The following SLIT2 variants were observed in gnomAD, a reference collection of about 807,000 sequenced individuals.
SLIT2 encodes the protein slit homolog 2 protein.
A neutral mutation model predicts 185.7 loss-of-function variants in SLIT2; 41 were observed. The ratio of observed to expected loss-of-function variants is 0.22; its 90% CI spans 0.17 to 0.29. SLIT2 has a LOEUF of 0.29. SLIT2 is among the 10% of genes least tolerant of loss of function. SLIT2 has a pLI of 1.00. For missense variants in SLIT2, 1,571 were observed against 1,909.0 expected, an observed-to-expected ratio of 0.82 and a Z score of 3.30; for synonymous variants, 693 against 680.2, an observed-to-expected ratio of 1.02 and a Z score of -0.29.
In SLIT2 at chr4:20,472,254, A is replaced by C. The variant is rs1715154984; in HGVS notation, c.467+4431A>C. 5.7e-4 allele frequency among the ~76,000 whole-genome samples: 10 copies of C among 17,448 alleles called. 2 individuals are homozygous for C. Among genetic ancestry groups the C allele is most frequent in the East Asian group, 5.7e-3 (2 of 352 alleles). 11.4% of individuals were successfully genotyped at this position (17,448 alleles called of 152,430 possible). On this transcript the variant is annotated intron_variant, in intron 5 of 36. Coordinates refer to ENST00000504154, the MANE Select transcript of SLIT2 (RefSeq NM_004787.4). The stretch of plus-strand genomic sequence containing the variant: ...TATATAGATCTATATATCTATATAT[A>C]GATCTATATATAGATATATATCTAT...
chr4:20,484,852 CTA>C lies in SLIT2; in HGVS notation c.540-1346_540-1345del, dbSNP rs1717054463. On this transcript the variant is annotated intron_variant, in intron 6 of 36. Coordinates refer to ENST00000504154, the MANE Select transcript of SLIT2 (RefSeq NM_004787.4). The surrounding 1 kb of genome is among the most constrained non-coding windows in gnomAD (Gnocchi z 4.3). ...TGGAGATTATCTGCCACAAGAGAGA[CTA>C]TCATTGCTAGCTTACCATATTCTTC... is the stretch of plus-strand genomic sequence containing the variant. 6.6e-6 allele frequency among the ~76,000 whole-genome samples: 1 copy of C among 152,158 alleles called. No homozygotes were observed. The highest frequency in any genetic ancestry group is 2.4e-5 in the African/African-American group (1 of 41,460).
At chr4:20,477,043 T>C (rs552604608) in intron 5 of SLIT2, among the ~76,000 whole-genome samples, 78 of 152,064 alleles carry the variant, frequency 5.1e-4, no homozygotes, top group African/African-American at 1.8e-3. Flanking sequence ...TCTTAATATA[T>C]GGAGCCCATC....
In SLIT2 at chr4:20,252,411, AAGG is replaced by A. The variant is rs1005578488; in HGVS notation, c.-1402_-1400del. Among the ~76,000 whole-genome samples, 2 of 152,110 alleles carry A rather than the reference AAGG, an allele frequency of 1.3e-5. No individual in the cohort carries two copies. Among genetic ancestry groups the A allele is most frequent in the Admixed American group, 6.5e-5 (1 of 15,286 alleles). On this transcript the variant is annotated 5_prime_UTR_variant, in exon 1 of 37. Coordinates refer to ENST00000504154, the MANE Select transcript of SLIT2 (RefSeq NM_004787.4). Reference sequence around the variant, plus strand: ...GCAGCGGGAGAGGGGAAGGGGCTAGAAGGAGAAGGACTACCCGGGACTGCGGCC... The same window carrying A: ...GCAGCGGGAGAGGGGAAGGGGCTAGAAGAAGGACTACCCGGGACTGCGGCC...
chr4:20,362,477 G>C (rs1358002648), intron 4 of SLIT2, among the ~76,000 whole-genome samples: 1 of 151,974 alleles, frequency 6.6e-6, no homozygotes, highest in Non-Finnish European at 1.5e-5. Flanking sequence ...GCAGCTTTAT[G>C]AATTGTTACA....
chr4:20,533,094 A>T (rs762856120), intron 17 of SLIT2, among the ~76,000 whole-genome samples: 1 of 152,218 alleles, frequency 6.6e-6, no homozygotes, highest in African/African-American at 2.4e-5. Flanking sequence ...GTTTCAACAC[A>T]TTATTACATG....
chr4:20,443,582 T>TA (rs71653885), intron 4 of SLIT2, among the ~76,000 whole-genome samples: 2,791 of 63,038 alleles, frequency 0.044, 310 homozygotes, highest in African/African-American at 0.13. Context: ...GGAGAAAATC[T>TA]AAAAAAAAAA....
At chr4:20,256,947 G>A (rs1560259503) in intron 2 of SLIT2, among the ~76,000 whole-genome samples, 2 of 152,108 alleles carry the variant, frequency 1.3e-5, no homozygotes, top group South Asian at 2.1e-4. Context: ...GCATGCCATA[G>A]AACCAATAAT....
rs190238361 is a variant in SLIT2, at chr4:20,369,455, C to T, written c.396-98297C>T. Among the ~76,000 whole-genome samples, 43 of 152,220 alleles carry T rather than the reference C, an allele frequency of 2.8e-4. 1 individual carries two copies. Among genetic ancestry groups the T allele is most frequent in the Admixed American group, 1.6e-3 (24 of 15,264 alleles). ...CTTGTTGGCTAAGGCTGTCAGTTTT[C>T]GTTCTACAACAGCAGTTGTGAGTAC... On this transcript the variant is annotated intron_variant, in intron 4 of 36. Transcript: ENST00000504154.
chr4:20,495,207 G>A (rs1718124415), intron 9 of SLIT2, among the ~76,000 whole-genome samples: 1 of 152,216 alleles, frequency 6.6e-6, no homozygotes, highest in South Asian at 2.1e-4. Context: ...GAATAGTTTG[G>A]CTGAGAAAGG....
In SLIT2 at chr4:20,278,649, A is replaced by T. The variant is rs546727292; in HGVS notation, c.395+9768A>T. On this transcript the variant is annotated intron_variant, in intron 4 of 36. Transcript: ENST00000504154. Reference sequence around the variant, plus strand: ...ACAAAACAAACAAAAACAAAAACAAAAAAAACACAAAACATTGTCCAGAAG... The same window carrying T: ...ACAAAACAAACAAAAACAAAAACAATAAAAACACAAAACATTGTCCAGAAG... Among the ~76,000 whole-genome samples the T allele has an allele frequency of 2.4e-4, 37 of 152,272 alleles. No homozygotes were observed. In the East Asian group the frequency reaches 6.9e-3, roughly 29 times the overall value.
intron 9 of SLIT2, among the ~76,000 whole-genome samples, chr4:20,500,328 C>G (rs530702858): frequency 6.6e-6 from 1 of 152,264 alleles, no homozygotes; most frequent in Admixed American, 6.5e-5. Context: ...TTGAGCAATT[C>G]TACTTTAGTT....
chr4:20,569,231 G>A, intron 29 of SLIT2: 1 of 492,560 alleles, frequency 2.0e-6, no homozygotes, highest in East Asian at 3.6e-5. Context: ...ATAAAGCCAT[G>A]CTATCCAGTA....
intron 4 of SLIT2, among the ~76,000 whole-genome samples, chr4:20,367,805 C>T (rs899676540): frequency 6.6e-6 from 1 of 152,038 alleles, no homozygotes; most frequent in Non-Finnish European, 1.5e-5. Flanking sequence ...CACTGCTGCA[C>T]CTCCTCATTA....
At chr4:20,393,296 GA>G (rs1361296183) in intron 4 of SLIT2, 5 of 152,128 alleles carry the variant, frequency 3.3e-5, no homozygotes, top group Middle Eastern at 3.4e-3. Context: ...GAGAGCCTAT[GA>G]AGCAGCAAAT....
rs112852447 is a variant in SLIT2, at chr4:20,582,140, G to A, written c.3089-7504G>A. ...TATTATTCATAGAATGAAGACCTTC[G>A]ACCCTGTGGCCCAGCCAGCCTCTGG... On this transcript the variant is annotated intron_variant, in intron 29 of 36. Coordinates refer to ENST00000504154, the MANE Select transcript of SLIT2 (RefSeq NM_004787.4). 8.7e-3 allele frequency among the ~76,000 whole-genome samples: 1,317 copies of A among 152,176 alleles called. 16 individuals are homozygous for A. Among genetic ancestry groups the A allele is most frequent in the South Asian group, 0.019 (93 of 4,814 alleles).
At chr4:20,447,515 T>A (rs561476247) in intron 4 of SLIT2, among the ~76,000 whole-genome samples, 1 of 152,356 alleles carries the variant, frequency 6.6e-6, no homozygotes, top group East Asian at 1.9e-4. Context: ...AATTTTAACG[T>A]CTTTTTTTGA....
chr4:20,513,038 CAATA>C (rs1719895530), intron 11 of SLIT2, among the ~76,000 whole-genome samples: 1 of 152,082 alleles, frequency 6.6e-6, no homozygotes, highest in Non-Finnish European at 1.5e-5. Flanking sequence ...ATCTAATAAA[CAATA>C]AAATAGTGTG....
chr4:20,377,638 G>T (rs1010774208), intron 4 of SLIT2, among the ~76,000 whole-genome samples: 5 of 152,052 alleles, frequency 3.3e-5, no homozygotes, highest in African/African-American at 9.7e-5. Flanking sequence ...GAGAAACTTT[G>T]TAACAATGGA....
At chr4:20,394,152 A>G (rs1725686924) in intron 4 of SLIT2, among the ~76,000 whole-genome samples, 1 of 151,994 alleles carries the variant, frequency 6.6e-6, no homozygotes, top group South Asian at 2.1e-4. Context: ...TGGTGTATTC[A>G]TGATCCTTGA....
Sources: gnomAD v4.1 joint callset for allele counts (sites outside exome capture counted in the v4.1 genomes callset) on GRCh38, gnomAD v4.1.1 for gene constraint, Gnocchi (gnomAD v3.1) non-coding constraint, MANE v1.5 for transcripts, NCBI Gene and HGNC (gene_info 2026-07-23, HGNC 2026-07-21) for gene names.